The following ST6GAL1 variants were observed in gnomAD, a reference collection of about 807,000 sequenced individuals.
The protein encoded by ST6GAL1 is ST6 beta-galactoside alpha-2,6-sialyltransferase 1.
ST6GAL1 carries 20 observed loss-of-function variants against 38.0 expected under a neutral mutation model. The ratio of observed to expected loss-of-function variants is 0.53; its 90% CI spans 0.37 to 0.77. The LOEUF is 0.77. Among genes scored for constraint, ST6GAL1 ranks in the 30% least tolerant of loss-of-function variants. ST6GAL1 has a pLI of 0.00. For missense variants in ST6GAL1, 432 were observed against 496.4 expected, an observed-to-expected ratio of 0.87 and a Z score of 1.23; for synonymous variants, 196 against 188.2, an observed-to-expected ratio of 1.04 and a Z score of -0.34.
At chr3:186,988,565 T>TGGGG (rs749484935) in intron 2 of ST6GAL1, among the ~76,000 whole-genome samples, 1 of 17,074 alleles carries the variant, frequency 5.9e-5, no homozygotes, top group African/African-American at 6.5e-4. Context: ...TGTTTTGGGG[T>TGGGG]GGGGGGGTGG....
At chr3:187,002,365 A>T (rs1049648546) in intron 2 of ST6GAL1, among the ~76,000 whole-genome samples, 10 of 152,260 alleles carry the variant, frequency 6.6e-5, no homozygotes, top group African/African-American at 2.4e-4. Flanking sequence ...ATGATAAGGT[A>T]AAAAACATAT....
At chr3:187,008,406 C>T (rs772567797) in intron 2 of ST6GAL1, among the ~76,000 whole-genome samples, 27 of 151,876 alleles carry the variant, frequency 1.8e-4, no homozygotes, top group Middle Eastern at 3.2e-3. Context: ...GAAACCTATT[C>T]GAATGACTGT....
At chr3:187,065,641 C>T (rs1402011057) in intron 5 of ST6GAL1, among the ~76,000 whole-genome samples, 1 of 152,164 alleles carries the variant, frequency 6.6e-6, no homozygotes, top group Non-Finnish European at 1.5e-5. Flanking sequence ...GACAATGGGA[C>T]AAGAAGACCC....
Position 187,051,292 on chromosome 3 carries a change from C to A in ST6GAL1, c.651C>A (p.Ala217=). Residue 217 remains alanine, a synonymous_variant, in exon 5 of 8, where the codon GCC becomes GCA. Transcript: ENST00000169298. The part of the protein sequence containing the change: ...AVLRFNGAPT[A]NFQQDVGTKT... ...TGAGGTTTAATGGGGCACCCACAGC[C>A]AACTTCCAACAAGATGTGGGCACAA... 1.2e-6 allele frequency: 2 copies of A among 1,614,182 alleles called. No individual in the cohort carries two copies. Among genetic ancestry groups the A allele is most frequent in the South Asian group, 1.1e-5 (1 of 91,082 alleles).
At chr3:186,936,811 A>G (rs35131547) in intron 1 of ST6GAL1, among the ~76,000 whole-genome samples, 82,093 of 151,522 alleles carry the variant, frequency 0.54, 22,953 homozygotes, top group African/African-American at 0.68. Flanking sequence ...CATGGTGGGC[A>G]GGTGCCTGTA....
intron 2 of ST6GAL1, among the ~76,000 whole-genome samples, chr3:186,973,125 T>G (rs1220797221): frequency 6.6e-6 from 1 of 152,176 alleles, no homozygotes; most frequent in East Asian, 1.9e-4. Context: ...AACCTCCGCC[T>G]CCTGGGTTCA....
At chr3:187,009,711 C>T (rs923841743) in intron 2 of ST6GAL1, among the ~76,000 whole-genome samples, 5 of 152,080 alleles carry the variant, frequency 3.3e-5, no homozygotes, top group Admixed American at 6.6e-5. Context: ...ATTGTTCAAT[C>T]GTGACCCATT....
chr3:187,043,165 G>T lies in ST6GAL1; in HGVS notation c.462G>T (p.Glu154Asp). 1.2e-6 allele frequency: 2 copies of T among 1,614,244 alleles called. No individual in the cohort carries two copies. The highest frequency in any genetic ancestry group is 4.5e-5 in the East Asian group (2 of 44,890). Residue 154 changes from glutamate (E) to aspartate (D), a missense_variant, in exon 4 of 8, where the codon GAG becomes GAT. Glu to Asp is a conservative substitution (Grantham distance 45). Coordinates refer to ENST00000169298, the MANE Select transcript of ST6GAL1 (RefSeq NM_173216.2). Reference protein sequence around the residue: ...LRDHVNVSMVEVTDFPFNTSE... With the variant: ...LRDHVNVSMVDVTDFPFNTSE... Reference sequence around the variant, plus strand: ...ACCATGTGAATGTATCCATGGTAGAGGTCACAGATTTTCCCTTCAATACCT... The same window carrying T: ...ACCATGTGAATGTATCCATGGTAGATGTCACAGATTTTCCCTTCAATACCT...
At chr3:186,991,220 C>T (rs774694614) in intron 2 of ST6GAL1, among the ~76,000 whole-genome samples, 1 of 152,102 alleles carries the variant, frequency 6.6e-6, no homozygotes, top group Non-Finnish European at 1.5e-5. Context: ...CCCAGAGATG[C>T]CTCATTCATG....
intron 5 of ST6GAL1, among the ~76,000 whole-genome samples, chr3:187,069,219 C>CT (rs1252802303): frequency 6.6e-6 from 1 of 152,046 alleles, no homozygotes; most frequent in Non-Finnish European, 1.5e-5. Context: ...ACTGCAACCT[C>CT]TGCCTCCTGA....
At chr3:187,014,209 T>G (rs564190882) in intron 2 of ST6GAL1, among the ~76,000 whole-genome samples, 30 of 152,372 alleles carry the variant, frequency 2.0e-4, no homozygotes, top group African/African-American at 6.5e-4. Flanking sequence ...GACTGTCATG[T>G]AATTTGCCTA....
chr3:187,068,341 CAAAAA>C (rs112868643), intron 5 of ST6GAL1, among the ~76,000 whole-genome samples: 13 of 87,810 alleles, frequency 1.5e-4, no homozygotes, highest in African/African-American at 4.0e-4. Flanking sequence ...GACTCCATCT[CAAAAA>C]AAAAAAAAAA....
intron 1 of ST6GAL1, among the ~76,000 whole-genome samples, chr3:186,945,139 C>T (rs909398512): frequency 1.3e-5 from 2 of 151,926 alleles, no homozygotes; most frequent in South Asian, 2.1e-4. Context: ...GGCAACATAG[C>T]GAGACCCTAA....
chr3:186,942,954 C>T (rs552246526), intron 1 of ST6GAL1, among the ~76,000 whole-genome samples: 9 of 152,304 alleles, frequency 5.9e-5, no homozygotes, highest in East Asian at 5.8e-4. Context: ...CCACCGACCT[C>T]GGCCTCCCAA....
intron 4 of ST6GAL1, among the ~76,000 whole-genome samples, chr3:187,047,136 A>G (rs1350281691): frequency 6.6e-6 from 1 of 151,998 alleles, no homozygotes; most frequent in Admixed American, 6.6e-5. Flanking sequence ...TAGTAGAGAC[A>G]GGGTTTCACC....
intron 2 of ST6GAL1, chr3:186,986,578 A>G (rs760087603): frequency 2.6e-5 from 4 of 152,220 alleles, no homozygotes; most frequent in Non-Finnish European, 5.9e-5. Context: ...CATATTCTTC[A>G]GCACTTTTCG....
intron 3 of ST6GAL1, among the ~76,000 whole-genome samples, chr3:187,040,871 C>T (rs1471582930): frequency 2.6e-5 from 4 of 152,232 alleles, no homozygotes; most frequent in Admixed American, 2.6e-4. Context: ...CCCAGAGTCA[C>T]TGGTTCCTGA....
chr3:186,936,757 A>G (rs908261413), intron 1 of ST6GAL1, among the ~76,000 whole-genome samples: 4 of 152,194 alleles, frequency 2.6e-5, no homozygotes, highest in Non-Finnish European at 4.4e-5. Context: ...CCTGGCCAAC[A>G]TCGTGAAACC....
At chr3:187,011,208 A>G (rs1716945407) in intron 2 of ST6GAL1, among the ~76,000 whole-genome samples, 1 of 152,204 alleles carries the variant, frequency 6.6e-6, no homozygotes, top group Admixed American at 6.5e-5. Flanking sequence ...CATGTTGGCC[A>G]GGCCGGTCTC....
Sources: gnomAD v4.1 joint callset for allele counts (sites outside exome capture counted in the v4.1 genomes callset) on GRCh38, gnomAD v4.1.1 for gene constraint, MANE v1.5 for transcripts, NCBI Gene and HGNC (gene_info 2026-07-23, HGNC 2026-07-21) for gene names.